The following LRRC37A2 variants were observed in gnomAD, a reference collection of about 807,000 sequenced individuals.
The protein encoded by LRRC37A2 is leucine-rich repeat-containing protein 37A2.
LRRC37A2 carries 9 observed loss-of-function variants against 68.8 expected under a neutral mutation model. The observed-to-expected ratio is 0.13, with a 90% CI of 0.08 to 0.23. The LOEUF is 0.23. Ranked by LOEUF, LRRC37A2 falls within the 10% of genes least tolerant of loss-of-function variation. The pLI, the probability that LRRC37A2 is intolerant of heterozygous loss-of-function variation, is 1.00. For synonymous variants in LRRC37A2, 63 were observed against 367.6 expected, an observed-to-expected ratio of 0.17 and a Z score of 9.48; for missense variants, 168 against 950.4, an observed-to-expected ratio of 0.18 and a Z score of 10.82.
chr17:46,905,263 A>G, the LRRC37A2 span, among the ~76,000 whole-genome samples: 1 of 152,018 alleles, frequency 6.6e-6, no homozygotes, highest in East Asian at 1.9e-4. Context: ...TAAAGTAGAG[A>G]CAGGGTTTCA....
the LRRC37A2 span, among the ~76,000 whole-genome samples, chr17:46,778,364 C>G: frequency 7.2e-5 from 11 of 152,180 alleles, no homozygotes; most frequent in African/African-American, 2.7e-4. Flanking sequence ...TTTCAGGATG[C>G]TCCATTCAAA....
At chr17:46,863,172 C>G in the LRRC37A2 span, among the ~76,000 whole-genome samples, 1 of 152,204 alleles carries the variant, frequency 6.6e-6, no homozygotes, top group South Asian at 2.1e-4. Context: ...CCGCCCAGCC[C>G]CAGCTTGGGA....
At chr17:47,035,645 T>C in the LRRC37A2 span, among the ~76,000 whole-genome samples, 7 of 152,178 alleles carry the variant, frequency 4.6e-5, no homozygotes, top group South Asian at 1.5e-3. Flanking sequence ...CTACTTTTTG[T>C]GTGGACATGT....
At chr17:46,745,225 C>T in the LRRC37A2 span, among the ~76,000 whole-genome samples, 1 of 152,214 alleles carries the variant, frequency 6.6e-6, no homozygotes, top group African/African-American at 2.4e-5. Context: ...CAATGTATCA[C>T]TTTAATATAT....
chr17:46,911,988 C>T, the LRRC37A2 span, among the ~76,000 whole-genome samples: 1 of 152,138 alleles, frequency 6.6e-6, no homozygotes, highest in Non-Finnish European at 1.5e-5. Context: ...ACCAATCTCT[C>T]AGCCAGCCCC....
the LRRC37A2 span, among the ~76,000 whole-genome samples, chr17:46,892,452 G>A: frequency 6.6e-6 from 1 of 152,138 alleles, no homozygotes; most frequent in African/African-American, 2.4e-5. Flanking sequence ...TGACTTTCCT[G>A]CCTTTGTCCA....
the LRRC37A2 span, among the ~76,000 whole-genome samples, chr17:46,716,474 G>C: frequency 6.6e-6 from 1 of 152,042 alleles, no homozygotes; most frequent in African/African-American, 2.4e-5. Flanking sequence ...AGCCAGGATG[G>C]TCTTGATCTC....
chr17:46,839,964 CT>C, the LRRC37A2 span, among the ~76,000 whole-genome samples: 21 of 141,084 alleles, frequency 1.5e-4, no homozygotes, highest in African/African-American at 4.6e-4. Context: ...TTCTTTCTTT[CT>C]TTCTTTCTTT....
chr17:46,539,768 C>CAAAAAAAAAAAAAAAAAAAAAA (rs1204528686), intron 6 of LRRC37A2, among the ~76,000 whole-genome samples: 1 of 67,036 alleles, frequency 1.5e-5, no homozygotes. Context: ...GACTCCATCT[C>CAAAAAAAAAAAAAAAAAAAAAA]AAAAAAAAAA....
chr17:46,922,685 G>C, the LRRC37A2 span: 1 of 159,822 alleles, frequency 6.3e-6, no homozygotes, highest in Admixed American at 6.1e-5. Context: ...ATAGGAATGG[G>C]GGGTAGATAG....
the LRRC37A2 span, among the ~76,000 whole-genome samples, chr17:46,971,093 G>C: frequency 6.6e-6 from 1 of 152,116 alleles, no homozygotes; most frequent in East Asian, 1.9e-4. Context: ...GCTCATGCCT[G>C]TAATCCCAGC....
At chr17:46,833,040 G>A in the LRRC37A2 span, 16 of 322,820 alleles carry the variant, frequency 5.0e-5, no homozygotes, top group African/African-American at 3.3e-4. Context: ...GACTGTCCCT[G>A]CAGCGCAGTG....
the LRRC37A2 span, among the ~76,000 whole-genome samples, chr17:46,767,691 C>T: frequency 6.6e-6 from 1 of 152,186 alleles, no homozygotes; most frequent in Non-Finnish European, 1.5e-5. Flanking sequence ...AGCAGCTATG[C>T]AAAAATTTGA....
the LRRC37A2 span, among the ~76,000 whole-genome samples, chr17:46,472,840 G>A: frequency 9.3e-5 from 4 of 43,128 alleles, no homozygotes; most frequent in African/African-American, 2.7e-4. Flanking sequence ...GCGTGAACCC[G>A]GGAGGCGGAG....
the LRRC37A2 span, among the ~76,000 whole-genome samples, chr17:46,493,026 A>T: frequency 1.4e-5 from 2 of 138,940 alleles, no homozygotes; most frequent in African/African-American, 2.9e-5. Flanking sequence ...TGGCCACCTT[A>T]ATAAGTATAT....
chr17:46,894,706 C>T, the LRRC37A2 span, among the ~76,000 whole-genome samples: 3 of 152,212 alleles, frequency 2.0e-5, no homozygotes, highest in Admixed American at 6.5e-5. Context: ...TGTGGAATGA[C>T]GAGCTCACTC....
the LRRC37A2 span, among the ~76,000 whole-genome samples, chr17:46,739,126 T>C: frequency 6.6e-6 from 1 of 151,982 alleles, no homozygotes; most frequent in Non-Finnish European, 1.5e-5. Flanking sequence ...TCCCAGCACT[T>C]TGGGAGGCCA....
the LRRC37A2 span, among the ~76,000 whole-genome samples, chr17:46,609,827 CT>C: frequency 1.4e-3 from 172 of 123,294 alleles, 1 homozygote; most frequent in Middle Eastern, 4.5e-3. Context: ...CTCACTGTTT[CT>C]TTTTTTTTTT....
At chr17:47,041,451 T>TC in the LRRC37A2 span, among the ~76,000 whole-genome samples, 1 of 82,118 alleles carries the variant, frequency 1.2e-5, no homozygotes, top group African/African-American at 5.0e-5. Flanking sequence ...TTTGGATGTC[T>TC]CTTTTTTTTT....
Sources: gnomAD v4.1 joint callset for allele counts (sites outside exome capture counted in the v4.1 genomes callset) on GRCh38, gnomAD v4.1.1 for gene constraint, MANE v1.5 for transcripts, NCBI Gene and HGNC (gene_info 2026-07-23, HGNC 2026-07-21) for gene names.